Variants in SEC23A observed in about 807,000 individuals in gnomAD.
SEC23A encodes the protein protein transport protein Sec23A.
In SEC23A, 56 loss-of-function variants were observed where a neutral mutation model predicts 103.7. The ratio of observed to expected loss-of-function variants is 0.54; its 90% confidence interval spans 0.44 to 0.67. The LOEUF (loss-of-function observed/expected upper bound fraction) is 0.67, where lower values mean the gene tolerates loss of function less well. SEC23A is among the 30% of genes least tolerant of loss of function. The probability of loss-of-function intolerance (pLI) is 0.00; values close to 1 mark genes in which losing one functional copy is unlikely to be tolerated. For missense variants in SEC23A, 784 were observed against 936.4 expected (o/e 0.84, Z 2.12); for synonymous variants, 281 against 293.0 (o/e 0.96, Z 0.42).
chr14:39,042,097 T>C (rs1286671600), intron 17 of SEC23A, among the ~76,000 whole-genome samples: 1 of 152,050 alleles, frequency 6.6e-6, no homozygotes. Context: ...ACAGTGCAAA[T>C]CTAAAATCAT....
intron 15 of SEC23A, among the ~76,000 whole-genome samples, chr14:39,046,117 C>T (rs1885829789): frequency 6.6e-6 from 1 of 152,134 alleles, no homozygotes; most frequent in African/African-American, 2.4e-5. Flanking sequence ...TGTCTTGCTT[C>T]CCCTTCGCTT....
chr14:39,080,203 C>G (rs1046900714), intron 7 of SEC23A, among the ~76,000 whole-genome samples: 1 of 151,906 alleles, frequency 6.6e-6, no homozygotes, highest in Non-Finnish European at 1.5e-5. Flanking sequence ...CCAAAAAGAT[C>G]AAGGGCAGTT....
chr14:39,086,349 A>G (rs1887443319), intron 6 of SEC23A, among the ~76,000 whole-genome samples: 1 of 152,278 alleles, frequency 6.6e-6, no homozygotes, highest in South Asian at 2.1e-4. Context: ...AGCTTAGGGG[A>G]AAAAGCTAGC....
intron 5 of SEC23A, among the ~76,000 whole-genome samples, chr14:39,090,551 G>A (rs1408101423): frequency 1.3e-5 from 2 of 151,998 alleles, no homozygotes; most frequent in South Asian, 2.1e-4. Flanking sequence ...ACTAAAAATC[G>A]TCCAGTCTCA....
chr14:39,061,547 A>C lies in SEC23A; in HGVS notation c.1505+218T>G, dbSNP rs74996756. Among the ~76,000 whole-genome samples the C allele has an allele frequency of 0.014, 2,137 of 152,240 alleles. 57 individuals are homozygous for C. Among genetic ancestry groups the C allele is most frequent in the African/African-American group, 0.048 (1,986 of 41,532 alleles). ...TGAGGTAAATAAAATAATATTTTGA[A>C]GGGTGTGTCTTAGAAGTACTTTTTA... On this transcript the variant is annotated intron_variant, in intron 13 of 19. Transcript: ENST00000307712.
intron 2 of SEC23A, among the ~76,000 whole-genome samples, chr14:39,094,389 C>T (rs867358262): frequency 0.059 from 2,969 of 50,170 alleles, 872 homozygotes; most frequent in African/African-American, 0.22. Context: ...CACACACACA[C>T]ACACACACAT....
At chr14:39,048,807 C>T (rs1885938820) in intron 14 of SEC23A, 78 bp from the exon 15 acceptor site, 2 of 769,630 alleles carry the variant, frequency 2.6e-6, no homozygotes, top group Non-Finnish European at 2.2e-6. Context: ...ATTCTATTTA[C>T]AAGAAGTTAC....
rs948857786 is a variant in SEC23A, at chr14:39,032,749, G to C, written c.*490C>G. On this transcript the variant is annotated 3_prime_UTR_variant, in exon 20 of 20. Coordinates refer to ENST00000307712, the MANE Select transcript of SEC23A (RefSeq NM_006364.4). ...ATAAAAATAAATCTGCCTTAACCTAGTAAGTACAGAAAAAGTGTATACATA... is the reference window on the plus strand; with the variant it reads ...ATAAAAATAAATCTGCCTTAACCTACTAAGTACAGAAAAAGTGTATACATA... 3.9e-5 allele frequency: 6 copies of C among 153,612 alleles called. No homozygotes were observed. The highest frequency in any genetic ancestry group is 1.2e-4 in the African/African-American group (5 of 41,408). 9.5% of individuals were successfully genotyped at this position (153,612 alleles called of 1,614,324 possible).
rs201600642 is a variant in SEC23A, at chr14:39,064,894, T to C, written c.1308+19A>G. 46 of 1,567,802 alleles carry C rather than the reference T, an allele frequency of 2.9e-5. No homozygotes were observed. The East Asian group carries it at 9.9e-4, about 34-fold the overall frequency. On this transcript the variant is annotated intron_variant, in intron 11 of 19. Transcript: ENST00000307712. The stretch of plus-strand genomic sequence containing the variant: ...AGTTCCTGGTCCTGTATTTTCTTTT[T>C]AGAATAAACACAACTTACATTTTCA...
In SEC23A at chr14:39,059,278, T is replaced by TAAAAAAAAAAAAAA. The variant is rs750853379; in HGVS notation, c.1505+2473_1505+2486dup. Among the ~76,000 whole-genome samples the TAAAAAAAAAAAAAA allele has an allele frequency of 2.2e-3, 159 of 71,818 alleles. 18 individuals are homozygous for TAAAAAAAAAAAAAA. Among genetic ancestry groups the TAAAAAAAAAAAAAA allele is most frequent in the African/African-American group, 6.5e-3 (126 of 19,494 alleles). The allele number at this position is 71,818 out of a possible 152,430, so 47.1% of individuals were successfully genotyped here. On this transcript the variant is annotated intron_variant, in intron 13 of 19. Transcript: ENST00000307712. ...GGCCCCTAAAGTCATAGTCCTAGTTTAAAAAAAAAAAAAAAAAAAAAAAAA... is the reference window on the plus strand; with the variant it reads ...GGCCCCTAAAGTCATAGTCCTAGTTTAAAAAAAAAAAAAAAAAAAAAAAAAAAAAAAAAAAAAAA...
intron 7 of SEC23A, among the ~76,000 whole-genome samples, chr14:39,079,119 G>A (rs528431996): frequency 6.6e-6 from 1 of 152,072 alleles, no homozygotes; most frequent in East Asian, 1.9e-4. Flanking sequence ...GAAAACTAGA[G>A]AGGAATGACT....
chr14:39,094,432 ATATATATATATTTTTTTT>A (rs1476334665), intron 2 of SEC23A, among the ~76,000 whole-genome samples: 1,417 of 36,844 alleles, frequency 0.038, 242 homozygotes, highest in East Asian at 0.11. Flanking sequence ...ATATATATAT[ATATATATATATTTTTTTT>A]TTTTTTTTTT....
intron 1 of SEC23A, among the ~76,000 whole-genome samples, chr14:39,101,631 A>T (rs187258509): frequency 6.6e-6 from 1 of 152,030 alleles, no homozygotes; most frequent in Non-Finnish European, 1.5e-5. Flanking sequence ...TCAAAAAAAA[A>T]AAAAACAAAA....
At chr14:39,094,387 C>T (rs867010360) in intron 2 of SEC23A, among the ~76,000 whole-genome samples, 701 of 53,286 alleles carry the variant, frequency 0.013, 158 homozygotes, top group African/African-American at 0.045. Context: ...CACACACACA[C>T]ACACACACAC....
In SEC23A at chr14:39,073,604, T is replaced by A. The variant is rs12886122; in HGVS notation, c.1103+811A>T. Among the ~76,000 whole-genome samples the A allele has an allele frequency of 8.1e-5, 6 of 73,734 alleles. No individual in the cohort carries two copies. In the South Asian group the frequency reaches 2.7e-3, roughly 33 times the overall value. The allele number at this position is 73,734 out of a possible 152,430, so 48.4% of individuals were successfully genotyped here. A position where few individuals can be genotyped will look rare whatever the true frequency, so the allele number is the denominator to read the frequency against. ...CCACGGTGCCCGGCTCTGATTCCTC[T>A]TTTTTTTTTTTTTTTTTTTTTTTGA... On this transcript the variant is annotated intron_variant, in intron 9 of 19. Transcript: ENST00000307712.
At chr14:39,041,725 T>C (rs2139187555) in intron 17 of SEC23A, among the ~76,000 whole-genome samples, 1 of 151,944 alleles carries the variant, frequency 6.6e-6, no homozygotes, top group Non-Finnish European at 1.5e-5. Context: ...AAAAATTAAC[T>C]GGGCGTGGTG....
At chr14:39,064,215 T>G (rs567169773) in intron 11 of SEC23A, among the ~76,000 whole-genome samples, 1 of 152,116 alleles carries the variant, frequency 6.6e-6, no homozygotes, top group African/African-American at 2.4e-5. Flanking sequence ...CGCAAACTGC[T>G]TGTACATATT....
intron 1 of SEC23A, among the ~76,000 whole-genome samples, chr14:39,101,555 G>A (rs753190527): frequency 2.0e-5 from 3 of 151,752 alleles, no homozygotes; most frequent in Non-Finnish European, 2.9e-5. Context: ...CCTGGGAGGC[G>A]GAGGTTGCAG....
intron 1 of SEC23A, among the ~76,000 whole-genome samples, chr14:39,101,717 G>T (rs1186382227): frequency 6.6e-6 from 1 of 151,482 alleles, no homozygotes; most frequent in Non-Finnish European, 1.5e-5. Context: ...AAATGTACTT[G>T]CCAAGTAAAT....
Sources: gnomAD v4.1 joint callset for allele counts (sites outside exome capture counted in the v4.1 genomes callset) on GRCh38, gnomAD v4.1.1 for gene constraint, MANE v1.5 for transcripts, NCBI Gene and HGNC (gene_info 2026-07-23, HGNC 2026-07-21) for gene names.